SLC27A3: variants seen among roughly 807,000 people sequenced by gnomAD.
The protein encoded by SLC27A3 is long-chain fatty acid transport protein 3.
Under a neutral mutation model 60.1 loss-of-function variants are expected in SLC27A3, and 60 were observed. The observed-to-expected ratio is 1.00, with a 90% CI of 0.81 to 1.24. The LOEUF is 1.24. SLC27A3 is among the 50% of genes most tolerant of loss of function. The probability of loss-of-function intolerance (pLI) is 0.00; values close to 1 mark genes in which losing one functional copy is unlikely to be tolerated. For synonymous variants in SLC27A3, 455 were observed against 409.0 expected, an observed-to-expected ratio of 1.11 and a Z score of -1.36; for missense variants, 1,079 against 929.9, an observed-to-expected ratio of 1.16 and a Z score of -2.09.
chr1:153,778,500 C>A lies in SLC27A3; in HGVS notation c.1394C>A (p.Thr465Asn). Residue 465 changes from threonine to asparagine, a missense_variant, in exon 6 of 10, where the codon ACC (threonine) becomes AAC (asparagine). By Grantham distance (65) the Thr-to-Asn change is moderately conservative. Coordinates refer to ENST00000624995, the MANE Select transcript of SLC27A3 (RefSeq NM_024330.4). ...TTCTCCTTGATTCGCTATGATGTCA[C>A]CACAGGAGAGCCAATTCGGGACCCC... ...FPFSLIRYDV[T>N]TGEPIRDPQG... The A allele has an allele frequency of 6.2e-7, 1 of 1,614,220 alleles. No individual in the cohort carries two copies.
chr1:153,778,841 C>G lies in SLC27A3; in HGVS notation c.1602C>G (p.Asp534Glu), dbSNP rs920011802. 6.2e-7 allele frequency: 1 copy of G among 1,614,052 alleles called. No individual in the cohort carries two copies. Among genetic ancestry groups the G allele is most frequent in the Admixed American group, 1.7e-5 (1 of 60,008 alleles). ...CTGGGGACCTGCTGGTCTGCGATGA[C>G]CAAGGTTTTCTCCGCTTCCATGATC... ...FNTGDLLVCD[D>E]QGFLRFHDRT... Residue 534 changes from aspartate (D) to glutamate (E), a missense_variant, in exon 7 of 10, where the codon GAC (aspartate) becomes GAG (glutamate). Transcript: ENST00000624995.
At chr1:153,779,081 G>C (rs1673387555) in intron 7 of SLC27A3, 33 bp from the exon 8 acceptor site, 1 of 1,608,782 alleles carries the variant, frequency 6.2e-7, no homozygotes, top group Non-Finnish European at 8.5e-7. Context: ...CCTGACCCCT[G>C]ACTCCCAGTT....
chr1:153,779,167 T>G lies in SLC27A3; in HGVS notation c.1700T>G (p.Leu567Arg), dbSNP rs751558542. ...TTEVAEVFEA[L>R]DFLQEVNVYG... ...GAGGTGGCAGAGGTCTTCGAGGCCC[T>G]AGATTTTCTTCAGGAGGTGAACGTC... is the stretch of plus-strand genomic sequence containing the variant. Residue 567 changes from leucine (L) to arginine (R), a missense_variant, in exon 8 of 10, where the codon CTA becomes CGA. Transcript: ENST00000624995. The G allele has an allele frequency of 6.2e-7, 1 of 1,614,124 alleles. No homozygotes were observed. The highest frequency in any genetic ancestry group is 1.1e-5 in the South Asian group (1 of 91,074).
In SLC27A3 at chr1:153,776,543, C is replaced by T. The variant is rs766337195; in HGVS notation, c.693C>T (p.Asp231=). The part of the protein sequence containing the change: ...APEFLESLEP[D]LPALRAMGLH... ...AGTTTCTGGAGTCCCTGGAGCCGGA[C>T]CTGCCCGCCCTGAGAGCCATGGGGC... The change falls in exon 2 of 10, where the codon GAC becomes GAT. Residue 231 remains aspartate, a synonymous_variant. Coordinates refer to ENST00000624995, the MANE Select transcript of SLC27A3 (RefSeq NM_024330.4). 6.2e-7 allele frequency: 1 copy of T among 1,614,108 alleles called. No individual in the cohort carries two copies. Among genetic ancestry groups the T allele is most frequent in the Admixed American group, 1.7e-5 (1 of 60,028 alleles).
rs758565684 is a variant in SLC27A3, at chr1:153,779,164, C to T, written c.1697C>T (p.Ala566Val). The stretch of plus-strand genomic sequence containing the variant: ...ACCGAGGTGGCAGAGGTCTTCGAGG[C>T]CCTAGATTTTCTTCAGGAGGTGAAC... Reference protein sequence around the residue: ...ATTEVAEVFEALDFLQEVNVY... With the variant: ...ATTEVAEVFEVLDFLQEVNVY... The change falls in exon 8 of 10, where the codon GCC becomes GTC. Residue 566 changes from alanine (A) to valine (V), a missense_variant. Coordinates refer to ENST00000624995, the MANE Select transcript of SLC27A3 (RefSeq NM_024330.4). The T allele has an allele frequency of 6.2e-7, 1 of 1,614,136 alleles. No individual in the cohort carries two copies. Among genetic ancestry groups the T allele is most frequent in the South Asian group, 1.1e-5 (1 of 91,080 alleles).
At position 153,775,594 on chromosome 1, in the gene SLC27A3, T is replaced by C; in HGVS notation, c.97T>C (p.Leu33=). 1 of 1,602,470 alleles carries C rather than the reference T, an allele frequency of 6.2e-7. No homozygotes were observed. The highest frequency in any genetic ancestry group is 1.3e-5 in the African/African-American group (1 of 74,910). ...GCAGTTGCGCTGGCTTCCGGCGGAC[T>C]TGGCCTTTGCGGTGCGAGCTCTGTG... ...WPQLRWLPAD[L]AFAVRALCCK... The change falls in exon 1 of 10, where the codon TTG becomes CTG. Residue 33 remains leucine (L), a synonymous_variant. Coordinates refer to ENST00000624995, the MANE Select transcript of SLC27A3 (RefSeq NM_024330.4).
In SLC27A3 at chr1:153,776,066, C is replaced by G; in HGVS notation, c.569C>G (p.Ala190Gly). The G allele has an allele frequency of 2.7e-6, 4 of 1,471,040 alleles. No individual in the cohort carries two copies. The highest frequency in any genetic ancestry group is 3.6e-6 in the Non-Finnish European group (4 of 1,121,966). The allele number at this position is 1,471,040 out of a possible 1,614,324, so 91.1% of individuals were successfully genotyped here. Residue 190 changes from alanine (A) to glycine (G), a missense_variant, in exon 1 of 10, where the codon GCC becomes GGC. By Grantham distance (60) the Ala-to-Gly change is moderately conservative. Coordinates refer to ENST00000624995, the MANE Select transcript of SLC27A3 (RefSeq NM_024330.4). Reference protein sequence around the residue: ...FLWLWFGLAKAGLRTAFVPTA... With the variant: ...FLWLWFGLAKGGLRTAFVPTA... ...TGGCTCTGGTTCGGGCTGGCCAAGG[C>G]CGGCCTGCGCACTGCCTTTGTGCCC... is the stretch of plus-strand genomic sequence containing the variant.
At position 153,776,451 on chromosome 1, in the gene SLC27A3, G is replaced by T. The variant is rs577396890; in HGVS notation, c.668-67G>T. On this transcript the variant is annotated intron_variant, in intron 1 of 9. Transcript: ENST00000624995. ...AGCAGTGTGGGCTGGGATAGGGAGG[G>T]GACATGGGTCATAGGCTCTTCTAGG... The T allele has an allele frequency of 2.8e-6, 4 of 1,445,530 alleles. No homozygotes were observed. In the East Asian group the frequency reaches 9.1e-5, roughly 33 times the overall value. The allele number at this position is 1,445,530 out of a possible 1,614,324, so 89.5% of individuals were successfully genotyped here. A position where few individuals can be genotyped will look rare whatever the true frequency, so the allele number is the denominator to read the frequency against.
chr1:153,776,658 C>T lies in SLC27A3; in HGVS notation c.808C>T (p.Pro270Ser). 4.3e-6 allele frequency: 7 copies of T among 1,614,122 alleles called. No individual in the cohort carries two copies. In the South Asian group the frequency reaches 7.7e-5, roughly 18 times the overall value. Residue 270 changes from proline (P) to serine (S), a missense_variant, in exon 2 of 10, where the codon CCA (proline) becomes TCA (serine). Transcript: ENST00000624995. ...GTCCGCTGAAGTGGATGGGCCAGTG[C>T]CAGGATACCTCTCTTCCCCCCAGAG... ...EVSAEVDGPV[P>S]GYLSSPQSIT...
In SLC27A3 at chr1:153,778,503, C is replaced by T. The variant is rs1319494307; in HGVS notation, c.1397C>T (p.Thr466Ile). 9.9e-6 allele frequency: 16 copies of T among 1,614,228 alleles called. No homozygotes were observed. The highest frequency in any genetic ancestry group is 1.4e-5 in the Non-Finnish European group (16 of 1,180,036). Residue 466 changes from threonine (T) to isoleucine (I), a missense_variant, in exon 6 of 10, where the codon ACA becomes ATA. Transcript: ENST00000624995. ...PFSLIRYDVT[T>I]GEPIRDPQGH... ...TCCTTGATTCGCTATGATGTCACCA[C>T]AGGAGAGCCAATTCGGGACCCCCAG...
Position 153,776,554 on chromosome 1 carries a change from TGA to T in SLC27A3, c.708_709del (p.Arg236SerfsTer19), listed in dbSNP as rs1308629613. On this transcript the variant is annotated frameshift_variant, in exon 2 of 10. Coordinates refer to ENST00000624995, the MANE Select transcript of SLC27A3 (RefSeq NM_024330.4). LOFTEE classifies it high-confidence loss of function. The stretch of plus-strand genomic sequence containing the variant: ...TCCCTGGAGCCGGACCTGCCCGCCC[TGA>T]GAGCCATGGGGCTCCACCTGTGGGC... 6.2e-7 allele frequency: 1 copy of T among 1,614,140 alleles called. No individual in the cohort carries two copies.
At chr1:153,777,540 G>C (rs924593712) in intron 3 of SLC27A3, 2 of 635,712 alleles carry the variant, frequency 3.1e-6, no homozygotes, top group African/African-American at 3.7e-5. Context: ...GATCTTTGGG[G>C]CTGGGAAGTA....
Position 153,780,102 on chromosome 1 carries a change from G to C in SLC27A3, c.*100G>C. The C allele has an allele frequency of 9.4e-7, 1 of 1,061,434 alleles. No individual in the cohort carries two copies. The allele number at this position is 1,061,434 out of a possible 1,614,324, so 65.8% of individuals were successfully genotyped here. A position where few individuals can be genotyped will look rare whatever the true frequency, so the allele number is the denominator to read the frequency against. On this transcript the variant is annotated 3_prime_UTR_variant, in exon 10 of 10. Transcript: ENST00000624995. ...GGGATCTTTTCTATACCAGAACTGC[G>C]GTCACTATTTTGTAATAAATGTGGC...
At position 153,779,444 on chromosome 1, in the gene SLC27A3, T is replaced by A. The variant is rs112342423; in HGVS notation, c.1846T>A (p.Tyr616Asn). ...YTHVSENLPPYARPRFLRLQE... is the reference protein window; with the variant it reads ...YTHVSENLPPNARPRFLRLQE... ...CCACGTGTCTGAGAACTTGCCACCT[T>A]ATGCCCGGCCCCGATTCCTCAGGCT... is the stretch of plus-strand genomic sequence containing the variant. Residue 616 changes from tyrosine to asparagine, a missense_variant, in exon 9 of 10, where the codon TAT (tyrosine) becomes AAT (asparagine). Tyr to Asn is a moderately radical substitution (Grantham distance 143). Transcript: ENST00000624995. The A allele has an allele frequency of 3.1e-6, 5 of 1,613,844 alleles. No individual in the cohort carries two copies. The Admixed American group carries it at 6.7e-5, about 22-fold the overall frequency.
intron 6 of SLC27A3, 47 bp downstream of exon 6, chr1:153,778,600 G>A (rs1673364888): frequency 2.5e-6 from 4 of 1,609,560 alleles, no homozygotes; most frequent in East Asian, 2.2e-5. Context: ...AGCTGGCACA[G>A]GAGGACTGGA....
Position 153,775,947 on chromosome 1 carries a change from AG to A in SLC27A3, c.454del (p.Asp152ThrfsTer84). ...AAGSGAEFAG[G>X]DGAARGGGAA... ...CCGGAAGCGGCGCGGAGTTTGCCGGAGGGGACGGTGCCGCCAGAGGTGGAGG... is the reference window on the plus strand; with the variant it reads ...CCGGAAGCGGCGCGGAGTTTGCCGGAGGGACGGTGCCGCCAGAGGTGGAGG... On this transcript the variant is annotated frameshift_variant, in exon 1 of 10. Coordinates refer to ENST00000624995, the MANE Select transcript of SLC27A3 (RefSeq NM_024330.4). LOFTEE classifies it high-confidence loss of function. The A allele has an allele frequency of 6.9e-7, 1 of 1,449,748 alleles. No individual in the cohort carries two copies. Among genetic ancestry groups the A allele is most frequent in the Non-Finnish European group, 9.0e-7 (1 of 1,108,404 alleles). 89.8% of individuals were successfully genotyped at this position (1,449,748 alleles called of 1,614,324 possible).
rs151180786 is a variant in SLC27A3, at chr1:153,777,038, C to T, written c.878-24C>T. 1.6e-4 allele frequency: 250 copies of T among 1,612,514 alleles called. 1 individual carries two copies. The highest frequency in any genetic ancestry group is 6.7e-5 in the African/African-American group (5 of 74,874). ...GCTTGGAGTTTGCCCTTCCCCTGAT[C>T]GTCCCATAACTGCCACCCCACAGGC... On this transcript the variant is annotated intron_variant, in intron 2 of 9. Coordinates refer to ENST00000624995, the MANE Select transcript of SLC27A3 (RefSeq NM_024330.4).
Position 153,775,596 on chromosome 1 carries a change from G to T in SLC27A3, c.99G>T (p.Leu33Phe). ...WPQLRWLPAD[L>F]AFAVRALCCK... ...AGTTGCGCTGGCTTCCGGCGGACTT[G>T]GCCTTTGCGGTGCGAGCTCTGTGCT... The change falls in exon 1 of 10, where the codon TTG becomes TTT. Residue 33 changes from leucine to phenylalanine, a missense_variant. Physicochemically the swap from Leu to Phe is conservative, Grantham distance 22 (BLOSUM62 0). Coordinates refer to ENST00000624995, the MANE Select transcript of SLC27A3 (RefSeq NM_024330.4). 6.2e-7 allele frequency: 1 copy of T among 1,600,680 alleles called. No individual in the cohort carries two copies.
intron 9 of SLC27A3, 45 bp from the exon 10 acceptor site, chr1:153,779,781 G>C: frequency 1.9e-6 from 3 of 1,580,602 alleles, no homozygotes; most frequent in Non-Finnish European, 1.7e-6. Flanking sequence ...GAACCACGTG[G>C]GCAGAGTCCC....
Sources: allele counts gnomAD v4.1 joint callset, GRCh38; gene constraint gnomAD v4.1.1; transcripts MANE v1.5; gene names NCBI Gene and HGNC (gene_info 2026-07-23, HGNC 2026-07-21).